CABYR: variants seen among roughly 807,000 people sequenced by gnomAD.
CABYR encodes the protein calcium-binding tyrosine phosphorylation-regulated protein.
In CABYR, 31 loss-of-function variants were observed where a neutral mutation model predicts 36.1. The ratio of observed to expected loss-of-function variants is 0.86; its 90% CI spans 0.64 to 1.16. CABYR has a LOEUF of 1.16. Ranked by LOEUF, CABYR falls within the 50% of genes most tolerant of loss-of-function variation. The pLI, the probability that CABYR is intolerant of heterozygous loss-of-function variation, is 0.00. For missense variants in CABYR, 429 were observed against 455.8 expected (o/e 0.94, Z 0.53); for synonymous variants, 146 against 160.7 (o/e 0.91, Z 0.69).
Position 24,159,627 on chromosome 18 carries a change from CCA to C in CABYR, c.700_701del (p.Gln234ValfsTer69), listed in dbSNP as rs747680404. ...ATLYLPNPKD[P>X]QFQQHPPKVT... The stretch of plus-strand genomic sequence containing the variant: ...CCTCTATTTACCTAATCCTAAGGAT[CCA>C]CAGTTTCAGCAGCATCCACCAAAAG... On this transcript the variant is annotated frameshift_variant, in exon 5 of 6. Coordinates refer to ENST00000399496, the MANE Select transcript of CABYR (RefSeq NM_153769.3). LOFTEE classifies it high-confidence loss of function. The C allele has an allele frequency of 3.7e-6, 6 of 1,614,072 alleles. No individual in the cohort carries two copies. The highest frequency in any genetic ancestry group is 4.2e-6 in the Non-Finnish European group (5 of 1,180,014).
chr18:24,155,713 C>A lies in CABYR; in HGVS notation c.212C>A (p.Ser71Ter). The change falls in exon 4 of 6, where the codon TCA becomes TAA. Residue 71 changes from serine (S) to a stop codon, truncating the protein, a stop_gained. Transcript: ENST00000399496. LOFTEE classifies it high-confidence loss of function. ...QFHQIKVEKW[S>*]EGTTPQKKLE... ...TGTTGTTTTTCAGTAGAGAAATGGT[C>A]AGAAGGAACGACACCACAGAAGAAA... The A allele has an allele frequency of 2.5e-6, 4 of 1,592,686 alleles. No homozygotes were observed. The South Asian group carries it at 4.6e-5, about 18-fold the overall frequency.
chr18:24,154,100 C>CA (rs2085709012), intron 3 of CABYR, among the ~76,000 whole-genome samples: 1 of 4,106 alleles, frequency 2.4e-4, no homozygotes, highest in Middle Eastern at 0.17. Flanking sequence ...AAGACTCCAT[C>CA]TCAAAAAAAA....
At chr18:24,153,506 G>A (rs1467967299) in intron 3 of CABYR, among the ~76,000 whole-genome samples, 2 of 152,114 alleles carry the variant, frequency 1.3e-5, no homozygotes, top group Non-Finnish European at 1.5e-5. Flanking sequence ...TTACCAGTAC[G>A]TTAAGATTAT....
chr18:24,156,444 C>CAAAT, intron 4 of CABYR: 1 of 1,614,144 alleles, frequency 6.2e-7, no homozygotes, highest in Non-Finnish European at 8.5e-7. Flanking sequence ...ACTGCCAGAA[C>CAAAT]AAATAGTTAT....
At chr18:24,149,502 G>A (rs1012646616) in intron 3 of CABYR, among the ~76,000 whole-genome samples, 7 of 152,244 alleles carry the variant, frequency 4.6e-5, no homozygotes, top group Non-Finnish European at 1.0e-4. Context: ...AGTGGATCCT[G>A]CACTGGGGAC....
At chr18:24,161,117 G>C (rs971966739) in intron 5 of CABYR, among the ~76,000 whole-genome samples, 3 of 152,324 alleles carry the variant, frequency 2.0e-5, no homozygotes, top group Admixed American at 1.3e-4. Context: ...AGGAAGTAGG[G>C]AGATGAGTTG....
In CABYR at chr18:24,155,791, C is replaced by T. The variant is rs1242173493; in HGVS notation, c.290C>T (p.Thr97Ile). The T allele has an allele frequency of 6.2e-7, 1 of 1,614,004 alleles. No homozygotes were observed. Among genetic ancestry groups the T allele is most frequent in the South Asian group, 1.1e-5 (1 of 91,078 alleles). Reference sequence around the variant, plus strand: ...ACATCTGTAGAATCTAAAGTACCTACCCAGATGGAAAAATCTACAGACACA... The same window carrying T: ...ACATCTGTAGAATCTAAAGTACCTATCCAGATGGAAAAATCTACAGACACA... The part of the protein sequence containing the change: ...GKTSVESKVP[T>I]QMEKSTDTDE... The change falls in exon 4 of 6, where the codon ACC (threonine) becomes ATC (isoleucine). Residue 97 changes from threonine (T) to isoleucine (I), a missense_variant. Thr to Ile is a moderately conservative substitution (Grantham distance 89). Transcript: ENST00000399496.
At chr18:24,156,657 C>G in intron 4 of CABYR, 1 of 1,614,180 alleles carries the variant, frequency 6.2e-7, no homozygotes, top group Non-Finnish European at 8.5e-7. Context: ...AGCAACAGCT[C>G]TGCTCTCTGA....
At chr18:24,147,656 G>A (rs1246939899) in intron 3 of CABYR, among the ~76,000 whole-genome samples, 2 of 151,836 alleles carry the variant, frequency 1.3e-5, no homozygotes, top group Non-Finnish European at 2.9e-5. Context: ...GTTTAAAAAA[G>A]TACAGATACA....
chr18:24,156,781 T>C (rs747375509), intron 4 of CABYR: 2 of 1,614,096 alleles, frequency 1.2e-6, no homozygotes, highest in South Asian at 2.2e-5. Context: ...ACTTCAATAG[T>C]CTCTGACAAT....
chr18:24,157,365 C>T (rs1033411902), intron 4 of CABYR, among the ~76,000 whole-genome samples: 1 of 152,122 alleles, frequency 6.6e-6, no homozygotes, highest in African/African-American at 2.4e-5. Flanking sequence ...TGAAATTTTC[C>T]TCTTGTGAAT....
chr18:24,151,687 C>CTTT (rs35513415), intron 3 of CABYR, among the ~76,000 whole-genome samples: 5,802 of 123,814 alleles, frequency 0.047, 343 homozygotes, highest in African/African-American at 0.12. Flanking sequence ...CTAGTGTTGG[C>CTTT]TTTTTTTTTT....
chr18:24,148,766 T>C, intron 3 of CABYR: 1 of 150,224 alleles, frequency 6.7e-6, no homozygotes, highest in Non-Finnish European at 1.5e-5. Flanking sequence ...CTGGAGTTGT[T>C]TGTTCCTCCC....
At chr18:24,150,132 GAAAT>G (rs1213301126) in intron 3 of CABYR, among the ~76,000 whole-genome samples, 1 of 152,268 alleles carries the variant, frequency 6.6e-6, no homozygotes, top group Non-Finnish European at 1.5e-5. Flanking sequence ...GAGGGAGACA[GAAAT>G]AGACCCGGAA....
intron 3 of CABYR, among the ~76,000 whole-genome samples, chr18:24,151,944 C>A (rs2145872458): frequency 6.6e-6 from 1 of 152,290 alleles, no homozygotes; most frequent in Middle Eastern, 3.4e-3. Context: ...CCTGCCTCAG[C>A]CTCCCAAAGT....
intron 3 of CABYR, among the ~76,000 whole-genome samples, chr18:24,149,724 A>G (rs1305063634): frequency 2.0e-4 from 30 of 152,374 alleles, no homozygotes; most frequent in Admixed American, 1.9e-3. Flanking sequence ...AGGCCCGGCG[A>G]GAAATCAAGC....
intron 3 of CABYR, among the ~76,000 whole-genome samples, chr18:24,148,334 C>T (rs1430660812): frequency 6.6e-6 from 1 of 152,148 alleles, no homozygotes; most frequent in Non-Finnish European, 1.5e-5. Context: ...CCTTGAGAAC[C>T]AGTGTGCCAT....
chr18:24,156,073 C>A, intron 4 of CABYR, 31 bp downstream of exon 4: 1 of 1,614,182 alleles, frequency 6.2e-7, no homozygotes, highest in African/African-American at 1.3e-5. Context: ...TCTGATCAAT[C>A]TGATGTGTTA....
chr18:24,151,862 G>A (rs1175090131), intron 3 of CABYR, among the ~76,000 whole-genome samples: 1 of 151,970 alleles, frequency 6.6e-6, no homozygotes, highest in Admixed American at 6.6e-5. Flanking sequence ...GCTTATTTTT[G>A]TATTTTTAGT....
Sources: gnomAD v4.1 joint callset for allele counts (sites outside exome capture counted in the v4.1 genomes callset) on GRCh38, gnomAD v4.1.1 for gene constraint, MANE v1.5 for transcripts, NCBI Gene and HGNC (gene_info 2026-07-23, HGNC 2026-07-21) for gene names.